VRK2: variants seen among roughly 807,000 people sequenced by gnomAD.
VRK2 encodes serine/threonine-protein kinase VRK2.
In VRK2, 60 loss-of-function variants were observed where a neutral mutation model predicts 57.6. The observed-to-expected ratio is 1.04, with a 90% confidence interval of 0.85 to 1.29. VRK2 has a LOEUF of 1.29. Among genes scored for constraint, VRK2 ranks in the 50% most tolerant of loss-of-function variants. The pLI is 0.00. For synonymous variants in VRK2, 231 were observed against 199.2 expected (o/e 1.16, Z -1.35); for missense variants, 705 against 588.1 (o/e 1.20, Z -2.06).
chr2:58,051,657 G>C (rs1434024745), intron 2 of VRK2, among the ~76,000 whole-genome samples: 1 of 152,150 alleles, frequency 6.6e-6, no homozygotes, highest in Non-Finnish European at 1.5e-5. Context: ...ACTGCCTAAG[G>C]CTGAGAAGAA....
chr2:58,051,974 G>A (rs564149014), intron 2 of VRK2, among the ~76,000 whole-genome samples: 2 of 152,300 alleles, frequency 1.3e-5, no homozygotes, highest in African/African-American at 4.8e-5. Flanking sequence ...TGTCATTTTA[G>A]TATCAAATGA....
At chr2:58,057,520 G>T (rs747045259) in intron 2 of VRK2, among the ~76,000 whole-genome samples, 2 of 152,070 alleles carry the variant, frequency 1.3e-5, no homozygotes, top group Non-Finnish European at 2.9e-5. Flanking sequence ...TAATAAAACA[G>T]TTCTTCTGAG....
chr2:57,957,061 C>G (rs1671608506), intron 1 of VRK2, among the ~76,000 whole-genome samples: 1 of 151,954 alleles, frequency 6.6e-6, no homozygotes, highest in Non-Finnish European at 1.5e-5. Flanking sequence ...CTACAAGACT[C>G]AATAGAGGAG....
At chr2:57,907,724 T>G (rs1312142045) in exon 1 of VRK2, 1 of 152,250 alleles carries the variant, frequency 6.6e-6, no homozygotes, top group African/African-American at 2.4e-5. Flanking sequence ...GGGGAAAGTA[T>G]GCTATTTCCT....
chr2:57,915,664 T>C (rs564247547), intron 1 of VRK2, among the ~76,000 whole-genome samples: 1 of 152,296 alleles, frequency 6.6e-6, no homozygotes, highest in African/African-American at 2.4e-5. Context: ...TATAAACAGT[T>C]ATCTGCGATA....
intron 9 of VRK2, among the ~76,000 whole-genome samples, chr2:58,134,304 A>T (rs1005445248): frequency 6.6e-6 from 1 of 152,190 alleles, no homozygotes; most frequent in Non-Finnish European, 1.5e-5. Context: ...CAGGAGGAAT[A>T]AATGCTACAT....
chr2:57,940,880 G>A (rs541234362), intron 1 of VRK2, among the ~76,000 whole-genome samples: 1 of 150,728 alleles, frequency 6.6e-6, no homozygotes, highest in South Asian at 2.1e-4. Flanking sequence ...TCTGCATCCT[G>A]CTCTCCAAAA....
At chr2:57,944,084 A>AC (rs1328989664) in intron 1 of VRK2, among the ~76,000 whole-genome samples, 4 of 144,474 alleles carry the variant, frequency 2.8e-5, no homozygotes, top group South Asian at 2.2e-4. Flanking sequence ...AACAACAACA[A>AC]AAAAAAACCT....
chr2:57,984,930 C>G (rs957951655), intron 1 of VRK2, among the ~76,000 whole-genome samples: 1 of 151,522 alleles, frequency 6.6e-6, no homozygotes, highest in African/African-American at 2.4e-5. Context: ...TAGGAATGAA[C>G]ATTTTTAAAA....
chr2:58,051,850 TGAAAA>T (rs1188090528), intron 2 of VRK2, among the ~76,000 whole-genome samples: 5 of 151,792 alleles, frequency 3.3e-5, no homozygotes, highest in Non-Finnish European at 7.4e-5. Flanking sequence ...GCTAAAAGAG[TGAAAA>T]GAAAAGTCTG....
intron 1 of VRK2, chr2:58,047,329 C>T (rs79554817): frequency 1.4e-6 from 1 of 722,238 alleles, no homozygotes; most frequent in Admixed American, 6.3e-5. Context: ...CCCTGGGTAC[C>T]AGTTTGCTCG....
chr2:58,047,392 AGG>A, intron 1 of VRK2: 1 of 985,066 alleles, frequency 1.0e-6, no homozygotes. Context: ...CAGAAGCCGA[AGG>A]GACACCCCTG....
At chr2:57,971,459 A>G (rs540090154) in intron 1 of VRK2, among the ~76,000 whole-genome samples, 1 of 152,064 alleles carries the variant, frequency 6.6e-6, no homozygotes, top group South Asian at 2.1e-4. Flanking sequence ...CTTGAAATTC[A>G]GCTTCCAGAC....
chr2:58,056,130 T>G (rs1676487188), intron 2 of VRK2, among the ~76,000 whole-genome samples: 1 of 152,030 alleles, frequency 6.6e-6, no homozygotes. Context: ...TCTGATCACT[T>G]TAATCATATC....
chr2:57,963,217 A>C (rs918976167), intron 1 of VRK2, among the ~76,000 whole-genome samples: 3 of 152,154 alleles, frequency 2.0e-5, no homozygotes, highest in African/African-American at 7.2e-5. Context: ...CACCATTCAA[A>C]CTGTAGCATG....
Position 58,039,995 on chromosome 2 carries a change from C to T in VRK2, c.-6+6442C>T, listed in dbSNP as rs72951020. Among the ~76,000 whole-genome samples the T allele has an allele frequency of 1.5e-3, 222 of 151,864 alleles. 2 individuals carry two copies. Among genetic ancestry groups the T allele is most frequent in the African/African-American group, 5.1e-3 (211 of 41,412 alleles). ...GTGTTGTGATCATAGCTCACTGCAGCCTCAATCTCCCAGGCTCCCAATCCT... is the reference window on the plus strand; with the variant it reads ...GTGTTGTGATCATAGCTCACTGCAGTCTCAATCTCCCAGGCTCCCAATCCT... On this transcript the variant is annotated intron_variant, in intron 3 of 15. Transcript: ENST00000417641.
At chr2:58,154,094 T>C (rs558288080) in intron 12 of VRK2, among the ~76,000 whole-genome samples, 3 of 152,222 alleles carry the variant, frequency 2.0e-5, no homozygotes, top group South Asian at 2.1e-4. Context: ...TAATTATTCA[T>C]ACTATTCCTT....
At chr2:58,096,815 A>G (rs1673210550) in intron 7 of VRK2, among the ~76,000 whole-genome samples, 1 of 151,694 alleles carries the variant, frequency 6.6e-6, no homozygotes, top group African/African-American at 2.4e-5. Context: ...TAAGAGTTTA[A>G]GGCTATGAAT....
intron 1 of VRK2, among the ~76,000 whole-genome samples, chr2:57,950,935 A>T (rs1671408159): frequency 6.6e-6 from 1 of 152,120 alleles, no homozygotes; most frequent in Non-Finnish European, 1.5e-5. Context: ...CTACTAAAAT[A>T]CAAAAATTTA....
Sources: gnomAD v4.1 joint callset for allele counts (sites outside exome capture counted in the v4.1 genomes callset) on GRCh38, gnomAD v4.1.1 for gene constraint, MANE v1.5 for transcripts, NCBI Gene and HGNC (gene_info 2026-07-23, HGNC 2026-07-21) for gene names.